The following DMD variants were observed in gnomAD, a reference collection of about 807,000 sequenced individuals.
The protein encoded by DMD is mutant dystrophin.
A neutral mutation model predicts 330.1 loss-of-function variants in DMD; 63 were observed. The ratio of observed to expected loss-of-function variants is 0.19; its 90% CI spans 0.16 to 0.24. The LOEUF (loss-of-function observed/expected upper bound fraction) is 0.24, where lower values mean the gene tolerates loss of function less well. DMD is among the 10% of genes least tolerant of loss of function. DMD has a pLI of 1.00. For missense variants in DMD, 3,344 were observed against 2,684.1 expected (o/e 1.25, Z -5.43); for synonymous variants, 1,223 against 959.8 (o/e 1.27, Z -5.07).
chrX:32,079,218 G>C (rs1406519497), intron 44 of DMD, among the ~76,000 whole-genome samples: 1 of 111,875 alleles, frequency 8.9e-6, no homozygotes, highest in Non-Finnish European at 1.9e-5. Context: ...AAGGGTAGAA[G>C]GAACATATTT....
At chrX:33,136,811 C>CTATGATA (rs1031844805) in intron 1 of DMD, among the ~76,000 whole-genome samples, 44 of 110,446 alleles carry the variant, frequency 4.0e-4, no homozygotes, top group African/African-American at 1.3e-3. Context: ...ATTACACAGT[C>CTATGATA]TATGATATTT....
At chrX:32,847,555 A>AG (rs1183810536) in intron 3 of DMD, among the ~76,000 whole-genome samples, 1 of 112,288 alleles carries the variant, frequency 8.9e-6, no homozygotes, top group Non-Finnish European at 1.9e-5. Flanking sequence ...AGCGAATTGG[A>AG]GTTCTGGGAT....
chrX:31,297,855 A>C (rs1446957037), intron 62 of DMD, among the ~76,000 whole-genome samples: 1 of 112,533 alleles, frequency 8.9e-6, no homozygotes, highest in African/African-American at 3.2e-5. Context: ...ACAGTCCTGG[A>C]GTGCACACTG....
chrX:33,104,889 C>T (rs1052462548), intron 1 of DMD, among the ~76,000 whole-genome samples: 1 of 112,333 alleles, frequency 8.9e-6, no homozygotes, highest in African/African-American at 3.2e-5. Context: ...TTAGAATCTA[C>T]TTTTCAAACT....
chrX:32,792,335 C>T (rs2148638243), intron 7 of DMD, among the ~76,000 whole-genome samples: 1 of 110,136 alleles, frequency 9.1e-6, no homozygotes, highest in African/African-American at 3.3e-5. Flanking sequence ...CAAAAAAAAT[C>T]AAGAAAAGTT....
chrX:32,894,279 G>A (rs943330485), intron 2 of DMD, among the ~76,000 whole-genome samples: 20 of 111,820 alleles, frequency 1.8e-4, no homozygotes, highest in African/African-American at 6.5e-4. Context: ...TCAAGAGACT[G>A]AGGAAGAAAC....
intron 47 of DMD, among the ~76,000 whole-genome samples, chrX:31,925,418 A>T (rs184496404): frequency 4.1e-3 from 464 of 111,846 alleles, no homozygotes; most frequent in African/African-American, 0.013. Flanking sequence ...CCCACATATA[A>T]CATATACAAA....
intron 63 of DMD, among the ~76,000 whole-genome samples, chrX:31,230,279 A>G (rs1336907191): frequency 2.7e-5 from 3 of 112,290 alleles, no homozygotes; most frequent in Non-Finnish European, 5.6e-5. Context: ...ATTTATAATT[A>G]CTATCAAGTT....
intron 55 of DMD, chrX:31,508,399 G>A (rs398124066): frequency 2.3e-5 from 12 of 512,530 alleles, no homozygotes; most frequent in Non-Finnish European, 3.4e-5. Context: ...AATAATAAAC[G>A]GCCACTTTGT....
Position 31,382,345 on chromosome X carries a change from C to A in DMD, c.9085-33711G>T, listed in dbSNP as rs1374117837. Among the ~76,000 whole-genome samples, 5 of 110,946 alleles carry A rather than the reference C, an allele frequency of 4.5e-5. No individual in the cohort carries two copies. The East Asian group carries it at 1.4e-3, about 32-fold the overall frequency. ...CACCAGACCAACTTAGACTGCACCC[C>A]AAAAAACTTGTCATCCCTCCTATCT... is the stretch of plus-strand genomic sequence containing the variant. On this transcript the variant is annotated intron_variant, in intron 60 of 78. Coordinates refer to ENST00000357033, the MANE Select transcript of DMD (RefSeq NM_004006.3).
At chrX:32,898,877 G>T (rs1168618639) in intron 2 of DMD, among the ~76,000 whole-genome samples, 1 of 111,549 alleles carries the variant, frequency 9.0e-6, no homozygotes, top group Non-Finnish European at 1.9e-5. Context: ...GGCTTGCACA[G>T]AATTTTTAAT....
intron 17 of DMD, among the ~76,000 whole-genome samples, chrX:32,537,900 G>A (rs182597477): frequency 7.1e-5 from 8 of 112,147 alleles, no homozygotes; most frequent in Admixed American, 1.9e-4. Context: ...CATAGCTACT[G>A]TAGCCAGACA....
At chrX:32,915,351 A>G (rs1415014073) in intron 2 of DMD, among the ~76,000 whole-genome samples, 1 of 112,157 alleles carries the variant, frequency 8.9e-6, no homozygotes, top group Non-Finnish European at 1.9e-5. Context: ...TGTTAAAATG[A>G]GGTAAAATAT....
At chrX:31,817,400 T>G (rs6631408) in intron 50 of DMD, among the ~76,000 whole-genome samples, 1 of 109,887 alleles carries the variant, frequency 9.1e-6, no homozygotes, top group Non-Finnish European at 1.9e-5. Flanking sequence ...ATATTTGAAC[T>G]ACCACAGTAA....
chrX:32,315,217 A>T (rs929076790), intron 41 of DMD, among the ~76,000 whole-genome samples: 2 of 112,034 alleles, frequency 1.8e-5, no homozygotes, highest in Admixed American at 1.9e-4. Flanking sequence ...ATAAAAAAGA[A>T]TGAGTTCGTG....
At chrX:31,315,839 C>T (rs1444082859) in intron 62 of DMD, among the ~76,000 whole-genome samples, 2 of 112,082 alleles carry the variant, frequency 1.8e-5, no homozygotes, top group Non-Finnish European at 3.8e-5. Context: ...TCAGTGGCTA[C>T]TATATCCTGG....
At chrX:32,372,565 A>G (rs1161007284) in intron 34 of DMD, among the ~76,000 whole-genome samples, 1 of 111,655 alleles carries the variant, frequency 9.0e-6, no homozygotes, top group Non-Finnish European at 1.9e-5. Context: ...CTGAACATTT[A>G]TGGGGTGATA....
At chrX:32,705,089 G>A (rs898325652) in intron 7 of DMD, among the ~76,000 whole-genome samples, 6 of 111,830 alleles carry the variant, frequency 5.4e-5, no homozygotes, top group Non-Finnish European at 1.1e-4. Flanking sequence ...TGACTGCATT[G>A]TACATACATG....
intron 2 of DMD, among the ~76,000 whole-genome samples, chrX:33,000,167 T>C (rs915240924): frequency 1.8e-5 from 2 of 111,935 alleles, no homozygotes; most frequent in African/African-American, 6.5e-5. Context: ...TAGGGGTGTT[T>C]TTATACTAAA....
Sources: allele counts gnomAD v4.1 joint callset (sites outside exome capture counted in the v4.1 genomes callset), GRCh38; gene constraint gnomAD v4.1.1; transcripts MANE v1.5; gene names NCBI Gene and HGNC (gene_info 2026-07-23, HGNC 2026-07-21).